ACSL3: variants seen among roughly 807,000 people sequenced by gnomAD.
ACSL3 encodes the protein acyl-CoA synthetase long chain family member 3.
A neutral mutation model predicts 84.7 loss-of-function variants in ACSL3; 34 were observed. The ratio of observed to expected loss-of-function variants is 0.40; its 90% confidence interval spans 0.31 to 0.53. ACSL3 has a LOEUF of 0.53. Among genes scored for constraint, ACSL3 ranks in the 20% least tolerant of loss-of-function variants. The pLI is 0.48. For missense variants in ACSL3, 680 were observed against 873.1 expected (o/e 0.78, Z 2.79); for synonymous variants, 315 against 299.4 (o/e 1.05, Z -0.54).
In ACSL3 at chr2:222,880,796, C is replaced by G. The variant is rs1024771492; in HGVS notation, c.-206-7034C>G. 2.7e-5 allele frequency among the ~76,000 whole-genome samples: 4 copies of G among 149,858 alleles called. No individual in the cohort carries two copies. The South Asian group carries it at 8.4e-4, about 32-fold the overall frequency. ...AGTGAGCAGAGTTCACGCCACTGCA[C>G]TCCAGCCTGGGTGACAGAGCGAGAC... On this transcript the variant is annotated intron_variant, in intron 1 of 16. Transcript: ENST00000357430.
intron 11 of ACSL3, among the ~76,000 whole-genome samples, 197 bp downstream of exon 11, chr2:222,924,792 G>A (rs1442752756): frequency 6.6e-6 from 1 of 152,164 alleles, no homozygotes; most frequent in Non-Finnish European, 1.5e-5. Flanking sequence ...GGGAGGCCGA[G>A]GCAGGTGGAT....
rs769654726 is a variant in ACSL3, at chr2:222,927,162, T to A, written c.1438T>A (p.Ser480Thr). Residue 480 changes from serine to threonine, a missense_variant, in exon 12 of 17, where the codon TCT becomes ACT. By Grantham distance (58) the Ser-to-Thr change is moderately conservative (BLOSUM62 1). Coordinates refer to ENST00000357430, the MANE Select transcript of ACSL3 (RefSeq NM_004457.5). ...TGGTCAGGGATACGGGCTCACTGAA[T>A]CTGCTGGGGCTGGAACAATTTCCGA... is the stretch of plus-strand genomic sequence containing the variant. ...PVGQGYGLTE[S>T]AGAGTISEVW... 3.1e-6 allele frequency: 5 copies of A among 1,613,930 alleles called. No individual in the cohort carries two copies. The highest frequency in any genetic ancestry group is 4.2e-6 in the Non-Finnish European group (5 of 1,179,910).
chr2:222,929,556 C>T (rs911033761), intron 13 of ACSL3, among the ~76,000 whole-genome samples: 2 of 152,044 alleles, frequency 1.3e-5, no homozygotes, highest in African/African-American at 4.8e-5. Flanking sequence ...CCAAGACGGG[C>T]GGATCATGGG....
chr2:222,939,363 A>G (rs1697247369), intron 16 of ACSL3, among the ~76,000 whole-genome samples: 1 of 151,910 alleles, frequency 6.6e-6, no homozygotes. Flanking sequence ...CTAATTGAAG[A>G]GGTTTGCTGG....
intron 16 of ACSL3, among the ~76,000 whole-genome samples, chr2:222,937,893 G>A (rs1281271127): frequency 1.3e-5 from 2 of 151,336 alleles, no homozygotes; most frequent in East Asian, 1.9e-4. Context: ...CTTTTGTTTT[G>A]TTGATTTTTT....
intron 1 of ACSL3, among the ~76,000 whole-genome samples, chr2:222,873,971 C>G (rs1695375002): frequency 6.6e-6 from 1 of 152,048 alleles, no homozygotes; most frequent in African/African-American, 2.4e-5. Context: ...ATATCTGTGC[C>G]CTTTAGTTTG....
intron 5 of ACSL3, chr2:222,917,444 T>A (rs1696614846): frequency 6.6e-6 from 1 of 152,226 alleles, no homozygotes; most frequent in African/African-American, 2.4e-5. Context: ...AGGTTTGGAT[T>A]TACATTGTTT....
intron 7 of ACSL3, 164 bp from the exon 8 acceptor site, chr2:222,921,116 G>C (rs1382710430): frequency 1.3e-6 from 1 of 781,966 alleles, no homozygotes; most frequent in African/African-American, 1.7e-5. Flanking sequence ...CATACGTGCA[G>C]GGACTTGATC....
chr2:222,914,708 G>A (rs1696530861), intron 4 of ACSL3, among the ~76,000 whole-genome samples: 1 of 152,198 alleles, frequency 6.6e-6, no homozygotes, highest in South Asian at 2.1e-4. Context: ...AGTGTTCAAT[G>A]ATATTGGCAA....
In ACSL3 at chr2:222,918,091, C is replaced by G; in HGVS notation, c.602C>G (p.Ala201Gly). The G allele has an allele frequency of 6.2e-7, 1 of 1,612,510 alleles. No homozygotes were observed. Among genetic ancestry groups the G allele is most frequent in the South Asian group, 1.1e-5 (1 of 90,898 alleles). The change falls in exon 6 of 17, where the codon GCA (alanine) becomes GGA (glycine). Residue 201 changes from alanine (A) to glycine (G), a missense_variant. Ala to Gly is a moderately conservative substitution (Grantham distance 60). This residue lies in a region of ACSL3 where 333 missense variants were observed against 347.5 expected (regional missense o/e 0.96). Coordinates refer to ENST00000357430, the MANE Select transcript of ACSL3 (RefSeq NM_004457.5). ...CTAGGAGGTCCAGCCATTGTTCATG[C>G]ATTAAATGAAACAGAGGTGACCAAC... Reference protein sequence around the residue: ...ATLGGPAIVHALNETEVTNII... With the variant: ...ATLGGPAIVHGLNETEVTNII...
chr2:222,892,988 T>G (rs1695879169), intron 2 of ACSL3, among the ~76,000 whole-genome samples: 2 of 152,198 alleles, frequency 1.3e-5, no homozygotes, highest in Admixed American at 6.5e-5. Flanking sequence ...AGCCACTCAT[T>G]TATACTTCAT....
intron 1 of ACSL3, among the ~76,000 whole-genome samples, chr2:222,866,423 G>T (rs1695142513): frequency 6.6e-6 from 1 of 152,146 alleles, no homozygotes; most frequent in Non-Finnish European, 1.5e-5. Flanking sequence ...GGGATTACAG[G>T]CTGGGAGCTA....
At chr2:222,909,233 C>T (rs1015380783) in intron 4 of ACSL3, 83 bp downstream of exon 4, 5 of 1,377,866 alleles carry the variant, frequency 3.6e-6, no homozygotes, top group Non-Finnish European at 5.0e-6. Context: ...CACAGCCTGC[C>T]TCCATTAGAA....
chr2:222,918,986 G>A (rs1471325994), intron 6 of ACSL3, 78 bp from the exon 7 acceptor site: 19 of 1,526,280 alleles, frequency 1.2e-5, no homozygotes, highest in Non-Finnish European at 1.4e-5. Context: ...ATGATTCACC[G>A]AATATGGTAA....
At chr2:222,906,815 G>T (rs1169487047) in intron 3 of ACSL3, among the ~76,000 whole-genome samples, 1 of 152,034 alleles carries the variant, frequency 6.6e-6, no homozygotes, top group Non-Finnish European at 1.5e-5. Flanking sequence ...GGGTTTCACT[G>T]TGTTGGCCAG....
At chr2:222,871,905 A>T (rs1695312789) in intron 1 of ACSL3, among the ~76,000 whole-genome samples, 1 of 151,856 alleles carries the variant, frequency 6.6e-6, no homozygotes, top group Non-Finnish European at 1.5e-5. Context: ...TATTATTATT[A>T]TTTTTGCTTC....
At chr2:222,917,251 G>C (rs1034408481) in intron 5 of ACSL3, 1 of 152,192 alleles carries the variant, frequency 6.6e-6, no homozygotes, top group South Asian at 2.1e-4. Flanking sequence ...CGCCATGCCC[G>C]GCTAATTTTT....
At chr2:222,906,177 A>G (rs1464776353) in intron 3 of ACSL3, among the ~76,000 whole-genome samples, 3 of 152,112 alleles carry the variant, frequency 2.0e-5, no homozygotes. Flanking sequence ...TGGCTGAGCT[A>G]TTACACTGAG....
At chr2:222,887,000 TATG>T (rs1490112392) in intron 1 of ACSL3, among the ~76,000 whole-genome samples, 1 of 152,212 alleles carries the variant, frequency 6.6e-6, no homozygotes, top group Non-Finnish European at 1.5e-5. Context: ...TTAACAAATA[TATG>T]ATGACATGTA....
Sources: allele counts gnomAD v4.1 joint callset (sites outside exome capture counted in the v4.1 genomes callset), GRCh38; gene constraint gnomAD v4.1.1; regional missense constraint gnomAD v4.1.1; transcripts MANE v1.5; gene names NCBI Gene and HGNC (gene_info 2026-07-23, HGNC 2026-07-21).